The following AP3B1 variants were observed in gnomAD, a reference collection of about 807,000 sequenced individuals.
AP3B1 encodes adaptor related protein complex 3 subunit beta 1, also known as AP-3 complex subunit beta-1.
In AP3B1, 61 loss-of-function variants were observed where a neutral mutation model predicts 132.5. The observed-to-expected ratio is 0.46, with a 90% CI of 0.37 to 0.57. The LOEUF is 0.57. Ranked by LOEUF, AP3B1 falls within the 20% of genes least tolerant of loss-of-function variation. AP3B1 has a pLI of 0.00. For synonymous variants in AP3B1, 388 were observed against 438.3 expected, an observed-to-expected ratio of 0.89 and a Z score of 1.43; for missense variants, 1,120 against 1,289.4, an observed-to-expected ratio of 0.87 and a Z score of 2.01.
intron 1 of AP3B1, among the ~76,000 whole-genome samples, chr5:78,290,878 T>C (rs1436059682): frequency 1.3e-5 from 2 of 152,078 alleles, no homozygotes; most frequent in Admixed American, 6.6e-5. Context: ...TGAGCCCAGA[T>C]GGTTGAGGCT....
intron 7 of AP3B1, among the ~76,000 whole-genome samples, chr5:78,197,284 G>GAA (rs373082531): frequency 2.0e-5 from 3 of 148,316 alleles, no homozygotes; most frequent in African/African-American, 7.4e-5. Context: ...TAATGCTAGT[G>GAA]AAAAAAAAAA....
intron 9 of AP3B1, 48 bp downstream of exon 9, chr5:78,177,291 C>G (rs1744185360): frequency 7.9e-7 from 1 of 1,258,214 alleles, no homozygotes; most frequent in Non-Finnish European, 1.2e-6. Flanking sequence ...TCAAACATTA[C>G]TTTTGAAGGA....
At chr5:78,156,404 TAATTC>T (rs752499968) in intron 13 of AP3B1, 37 bp from the exon 14 acceptor site, 14 of 1,396,620 alleles carry the variant, frequency 1.0e-5, no homozygotes, top group Non-Finnish European at 1.3e-5. Context: ...TAAATATGTA[TAATTC>T]AATTCAAATG....
At chr5:78,097,806 T>C (rs904997220) in intron 21 of AP3B1, among the ~76,000 whole-genome samples, 33 of 152,260 alleles carry the variant, frequency 2.2e-4, no homozygotes, top group African/African-American at 7.7e-4. Context: ...GAACGGGCCA[T>C]GATGACAATG....
chr5:78,126,138 A>G (rs1447940850), intron 17 of AP3B1, among the ~76,000 whole-genome samples: 2 of 152,002 alleles, frequency 1.3e-5, no homozygotes, highest in Non-Finnish European at 2.9e-5. Context: ...ATAAGAAATT[A>G]GGAGAGAAAG....
At chr5:78,156,650 A>G (rs1743160965) in intron 13 of AP3B1, among the ~76,000 whole-genome samples, 2 of 152,188 alleles carry the variant, frequency 1.3e-5, no homozygotes, top group Non-Finnish European at 2.9e-5. Context: ...AAGACGTTGG[A>G]TTATGCTGCT....
chr5:78,043,900 T>A, intron 22 of AP3B1: 1 of 354,004 alleles, frequency 2.8e-6, no homozygotes. Context: ...TGGGAACCAT[T>A]ACCATGGGTT....
chr5:78,241,129 C>A (rs1747117515), intron 2 of AP3B1, among the ~76,000 whole-genome samples, 193 bp from the exon 3 acceptor site: 1 of 151,734 alleles, frequency 6.6e-6, no homozygotes, highest in Non-Finnish European at 1.5e-5. Flanking sequence ...ACACAATAAA[C>A]AAGAAATATT....
intron 14 of AP3B1, among the ~76,000 whole-genome samples, chr5:78,144,411 C>T (rs1044588451): frequency 2.0e-5 from 3 of 152,292 alleles, no homozygotes; most frequent in Admixed American, 1.3e-4. Flanking sequence ...ACTCTGTAAG[C>T]AGTTCAATTT....
chr5:78,079,377 A>G (rs1342084059), intron 22 of AP3B1, among the ~76,000 whole-genome samples: 7 of 152,216 alleles, frequency 4.6e-5, no homozygotes, highest in Admixed American at 4.6e-4. Context: ...AGAATTTAAG[A>G]AAATTAAGCA....
Position 78,039,261 on chromosome 5 carries a change from G to C in AP3B1, c.2591C>G (p.Ala864Gly). The stretch of plus-strand genomic sequence containing the variant: ...CACGTGAGTTTTCGTTGGTACAAAT[G>C]CAGGAGTACTGACCTATTACACACG... ...SSSVISVSTP[A>G]FVPTKTHVLL... Residue 864 changes from alanine to glycine, a missense_variant, in exon 23 of 27, where the codon GCA (alanine) becomes GGA (glycine). Physicochemically the swap from Ala to Gly is moderately conservative, Grantham distance 60. This residue lies in a region of AP3B1 where 906 missense variants were observed against 997.1 expected (regional missense o/e 0.91). Coordinates refer to ENST00000255194, the MANE Select transcript of AP3B1 (RefSeq NM_003664.5). 6.2e-7 allele frequency: 1 copy of C among 1,613,886 alleles called. No homozygotes were observed.
At chr5:78,224,889 A>G (rs1746340722) in intron 6 of AP3B1, among the ~76,000 whole-genome samples, 2 of 152,114 alleles carry the variant, frequency 1.3e-5, no homozygotes, top group South Asian at 4.1e-4. Flanking sequence ...CCCTGTTTTC[A>G]ATAATGAATA....
intron 22 of AP3B1, among the ~76,000 whole-genome samples, chr5:78,080,700 T>G (rs1233449987): frequency 4.0e-5 from 6 of 151,248 alleles, no homozygotes; most frequent in Non-Finnish European, 2.9e-5. Context: ...TTCACCACTT[T>G]AAAAATTTTA....
intron 14 of AP3B1, among the ~76,000 whole-genome samples, chr5:78,154,214 T>C (rs1217084291): frequency 6.6e-6 from 1 of 152,230 alleles, no homozygotes; most frequent in African/African-American, 2.4e-5. Context: ...TGAAGGATAT[T>C]TTCACTGGAT....
chr5:78,057,219 T>C (rs1748853138), intron 22 of AP3B1, among the ~76,000 whole-genome samples: 1 of 152,160 alleles, frequency 6.6e-6, no homozygotes, highest in South Asian at 2.1e-4. Context: ...CCATCCAATT[T>C]ATGGCAAATT....
rs1357739151 is a variant in AP3B1 at position 78,175,837 on chromosome 5, C to T, written c.1042G>A (p.Glu348Lys). Residue 348 changes from glutamate to lysine, a missense_variant and splice_region_variant, in exon 10 of 27, where the codon GAG becomes AAG. Coordinates refer to ENST00000255194, the MANE Select transcript of AP3B1 (RefSeq NM_003664.5). ...TTTTGTAGGACAATATACTGCACCT[C>T]CCTAGAAATCAAAAGATAATTTTTA... ...SLVRLLRSNREVQYIVLQNIA... is the reference protein window; with the variant it reads ...SLVRLLRSNRKVQYIVLQNIA... 1 of 1,608,482 alleles carries T rather than the reference C, an allele frequency of 6.2e-7. No homozygotes were observed. The highest frequency in any genetic ancestry group is 8.5e-7 in the Non-Finnish European group (1 of 1,176,622).
At chr5:78,272,072 A>G (rs1273154995) in intron 1 of AP3B1, among the ~76,000 whole-genome samples, 1 of 152,348 alleles carries the variant, frequency 6.6e-6, no homozygotes, top group Non-Finnish European at 1.5e-5. Flanking sequence ...GAGACTTCAT[A>G]AGAATCTTGG....
chr5:78,155,646 A>G (rs546530748), intron 14 of AP3B1, among the ~76,000 whole-genome samples: 74 of 152,274 alleles, frequency 4.9e-4, no homozygotes, highest in Non-Finnish European at 7.4e-4. Context: ...AAGGCTACAT[A>G]TTGTCCAGAA....
At chr5:78,167,632 T>TAC (rs77249088) in intron 11 of AP3B1, among the ~76,000 whole-genome samples, 3,246 of 146,120 alleles carry the variant, frequency 0.022, 54 homozygotes, top group African/African-American at 0.039. Context: ...GTTATATATA[T>TAC]ACACACACAC....
Sources: allele counts gnomAD v4.1 joint callset (sites outside exome capture counted in the v4.1 genomes callset), GRCh38; gene constraint gnomAD v4.1.1; regional missense constraint gnomAD v4.1.1; transcripts MANE v1.5; gene names NCBI Gene and HGNC (gene_info 2026-07-23, HGNC 2026-07-21).